PREX1: variants seen among roughly 807,000 people sequenced by gnomAD.
PREX1 encodes phosphatidylinositol 3,4,5-trisphosphate-dependent Rac exchanger 1 protein.
Under a neutral mutation model 198.3 loss-of-function variants are expected in PREX1, and 41 were observed. That is an observed-to-expected ratio of 0.21 (90% CI 0.16 to 0.27). The LOEUF is 0.27. PREX1 is among the 10% of genes least tolerant of loss of function. The pLI, the probability that PREX1 is intolerant of heterozygous loss-of-function variation, is 1.00. For synonymous variants in PREX1, 843 were observed against 887.2 expected (o/e 0.95, Z 0.89); for missense variants, 1,620 against 2,200.7 (o/e 0.74, Z 5.28).
chr20:48,740,965 A>T (rs374108379), intron 3 of PREX1, among the ~76,000 whole-genome samples: 35 of 152,308 alleles, frequency 2.3e-4, no homozygotes, highest in African/African-American at 8.2e-4. Flanking sequence ...TGATGATGCA[A>T]ATTTCTCTTT....
chr20:48,776,516 G>C lies in PREX1; in HGVS notation c.220-28636C>G, dbSNP rs6012525. Among the ~76,000 whole-genome samples the C allele has an allele frequency of 3.6e-3, 548 of 152,352 alleles. 3 individuals carry two copies. Among genetic ancestry groups the C allele is most frequent in the African/African-American group, 0.013 (529 of 41,584 alleles). On this transcript the variant is annotated intron_variant, in intron 1 of 39. Transcript: ENST00000371941. Reference sequence around the variant, plus strand: ...CATCACTTCAGAGGGGGAGTCCACGGGGCGGGGCTGGGGACAGAGTTTCTC... The same window carrying C: ...CATCACTTCAGAGGGGGAGTCCACGCGGCGGGGCTGGGGACAGAGTTTCTC...
At chr20:48,655,399 G>A (rs748317482) in intron 18 of PREX1, 24 bp from the exon 19 acceptor site, 1 of 1,472,208 alleles carries the variant, frequency 6.8e-7, no homozygotes, top group Non-Finnish European at 9.2e-7. Context: ...AAGAGGCAGG[G>A]AAAAAGGCCA....
chr20:48,745,287 T>A, intron 2 of PREX1, 140 bp from the exon 3 acceptor site: 2 of 867,306 alleles, frequency 2.3e-6, no homozygotes, highest in Non-Finnish European at 3.5e-6. Context: ...GGTTTACCAC[T>A]AATAGAAATC....
intron 5 of PREX1, among the ~76,000 whole-genome samples, chr20:48,710,781 C>T (rs557063515): frequency 4.6e-4 from 70 of 152,326 alleles, no homozygotes; most frequent in Admixed American, 3.3e-3. Context: ...GGTGAGGCCA[C>T]GGGCCACACT....
At position 48,666,230 on chromosome 20, in the gene PREX1, T is replaced by A; in HGVS notation, c.1738+53A>T. The A allele has an allele frequency of 1.3e-6, 2 of 1,495,552 alleles. No individual in the cohort carries two copies. The highest frequency in any genetic ancestry group is 1.4e-5 in the African/African-American group (1 of 71,866). The allele number at this position is 1,495,552 out of a possible 1,614,324, so 92.6% of individuals were successfully genotyped here. A position where few individuals can be genotyped will look rare whatever the true frequency, so the allele number is the denominator to read the frequency against. ...AGTCCTCCCATACTCCCCCAAACCA[T>A]CAGCTCCAGGGAGCAAGGTCCCGGG... On this transcript the variant is annotated intron_variant, in intron 15 of 39. Coordinates refer to ENST00000371941, the MANE Select transcript of PREX1 (RefSeq NM_020820.4). The surrounding 1 kb of genome is among the most constrained non-coding windows in gnomAD (Gnocchi z 4.3).
At chr20:48,825,143 G>C (rs2090503035) in intron 1 of PREX1, among the ~76,000 whole-genome samples, 1 of 152,166 alleles carries the variant, frequency 6.6e-6, no homozygotes, top group South Asian at 2.1e-4. Context: ...GGTTAGTTTT[G>C]AAAACGAAAA....
At chr20:48,651,355 TC>T in intron 22 of PREX1, 40 bp downstream of exon 22, 1 of 1,538,274 alleles carries the variant, frequency 6.5e-7, no homozygotes. Flanking sequence ...CTGGCTTCAA[TC>T]CCCCAGGGTA....
chr20:48,846,162 G>A, the PREX1 span, among the ~76,000 whole-genome samples: 9 of 152,180 alleles, frequency 5.9e-5, no homozygotes, highest in Non-Finnish European at 8.8e-5. Flanking sequence ...ACTTGCCTAC[G>A]GTCACATAGC....
the PREX1 span, among the ~76,000 whole-genome samples, chr20:48,868,911 C>T: frequency 6.6e-6 from 1 of 151,856 alleles, no homozygotes; most frequent in Non-Finnish European, 1.5e-5. Flanking sequence ...GAGTTTTGCG[C>T]TATCACCCAG....
At chr20:48,823,575 G>A (rs1038677622) in intron 1 of PREX1, among the ~76,000 whole-genome samples, 7 of 152,166 alleles carry the variant, frequency 4.6e-5, no homozygotes, top group Non-Finnish European at 8.8e-5. Flanking sequence ...CTCAACCCTC[G>A]TGCCATGAAC....
At chr20:48,810,114 AGAG>A (rs1440709507) in intron 1 of PREX1, among the ~76,000 whole-genome samples, 1 of 152,238 alleles carries the variant, frequency 6.6e-6, no homozygotes, top group African/African-American at 2.4e-5. Flanking sequence ...TCCTTTTAAC[AGAG>A]AAGAGTGTCT....
Position 48,661,444 on chromosome 20 carries a change from AATATATATAT to A in PREX1, c.1739-1393_1739-1384del, listed in dbSNP as rs1159107194. Among the ~76,000 whole-genome samples the A allele has an allele frequency of 8.1e-5, 4 of 49,600 alleles. 1 individual carries two copies. The highest frequency in any genetic ancestry group is 5.6e-4 in the African/African-American group (3 of 5,386). The allele number at this position is 49,600 out of a possible 152,430, so 32.5% of individuals were successfully genotyped here. The stretch of plus-strand genomic sequence containing the variant: ...CAAAAAAAAAAAAAAAAAAAAAAAA[AATATATATAT>A]ATATATATATATATACACACACATA... On this transcript the variant is annotated intron_variant, in intron 15 of 39. Transcript: ENST00000371941.
chr20:48,633,788 A>AGGGCCCT (rs1568791414), intron 33 of PREX1, among the ~76,000 whole-genome samples: 1 of 152,112 alleles, frequency 6.6e-6, no homozygotes, highest in East Asian at 1.9e-4. Flanking sequence ...GCTAGGGCCC[A>AGGGCCCT]GGGCCCTGGG....
intron 15 of PREX1, among the ~76,000 whole-genome samples, chr20:48,661,444 A>AAAAAAAAAAATATATATATATAT (rs1555832820): frequency 2.0e-5 from 1 of 49,596 alleles, no homozygotes; most frequent in Non-Finnish European, 3.1e-5. Flanking sequence ...AAAAAAAAAA[A>AAAAAAAAAAATATATATATATAT]ATATATATAT....
intron 1 of PREX1, among the ~76,000 whole-genome samples, chr20:48,819,308 C>G (rs994089238): frequency 1.5e-4 from 23 of 152,236 alleles, no homozygotes; most frequent in Admixed American, 5.2e-4. Flanking sequence ...GTTCCTCAAA[C>G]AAGCCTGGCA....
chr20:48,884,078 T>G, the PREX1 span, among the ~76,000 whole-genome samples: 1 of 145,084 alleles, frequency 6.9e-6, no homozygotes, highest in South Asian at 2.2e-4. Context: ...GAGGCGGAGC[T>G]TGCAGTGAGC....
the PREX1 span, among the ~76,000 whole-genome samples, chr20:48,881,573 G>C: frequency 6.6e-6 from 1 of 150,474 alleles, no homozygotes; most frequent in Non-Finnish European, 1.5e-5. Context: ...TACAACCTCT[G>C]CCTTCCGGGT....
intron 1 of PREX1, among the ~76,000 whole-genome samples, chr20:48,787,510 C>T (rs1426782267): frequency 2.6e-5 from 4 of 151,896 alleles, no homozygotes; most frequent in Non-Finnish European, 5.9e-5. Flanking sequence ...GTTTCAGAGG[C>T]CTGAGCACTC....
In PREX1 at chr20:48,649,953, G is replaced by A. The variant is rs117404763; in HGVS notation, c.3028+43C>T. On this transcript the variant is annotated intron_variant, in intron 24 of 39. Transcript: ENST00000371941. ...ACAAGTTTTGGTTTAAGTATCTGGA[G>A]TGCAACATCTGAACACAGTTTCTAA... The A allele has an allele frequency of 3.5e-3, 5,538 of 1,600,392 alleles. 27 individuals are homozygous for A. The highest frequency in any genetic ancestry group is 4.2e-3 in the Non-Finnish European group (4,874 of 1,168,302).
Sources: allele counts gnomAD v4.1 joint callset (sites outside exome capture counted in the v4.1 genomes callset), GRCh38; gene constraint gnomAD v4.1.1; non-coding constraint Gnocchi (gnomAD v3.1); transcripts MANE v1.5; gene names NCBI Gene and HGNC (gene_info 2026-07-23, HGNC 2026-07-21).